The following CC2D2A variants were observed in gnomAD, a reference collection of about 807,000 sequenced individuals.
CC2D2A encodes coiled-coil and C2 domain-containing protein 2A.
CC2D2A carries 155 observed loss-of-function variants against 212.9 expected under a neutral mutation model. The ratio of observed to expected loss-of-function variants is 0.73; its 90% CI spans 0.64 to 0.83. The LOEUF (loss-of-function observed/expected upper bound fraction) is 0.83, where lower values mean the gene tolerates loss of function less well. CC2D2A is among the 40% of genes least tolerant of loss of function. The pLI is 0.00. For missense variants in CC2D2A, 1,856 were observed against 1,956.2 expected, an observed-to-expected ratio of 0.95 and a Z score of 0.97; for synonymous variants, 667 against 686.5, an observed-to-expected ratio of 0.97 and a Z score of 0.44.
At chr4:15,590,177 A>G (rs1333197724) in intron 33 of CC2D2A, among the ~76,000 whole-genome samples, 3 of 152,130 alleles carry the variant, frequency 2.0e-5, no homozygotes, top group South Asian at 2.1e-4. Flanking sequence ...TGAGGGCTGC[A>G]TGATTTTATT....
At chr4:15,542,774 C>A (rs1363565947) in intron 17 of CC2D2A, among the ~76,000 whole-genome samples, 3 of 152,184 alleles carry the variant, frequency 2.0e-5, no homozygotes, top group Non-Finnish European at 4.4e-5. Flanking sequence ...CCAGCGCCTC[C>A]AGGGTCCTGT....
intron 26 of CC2D2A, among the ~76,000 whole-genome samples, chr4:15,568,985 A>G (rs1036792888): frequency 6.6e-6 from 1 of 152,156 alleles, no homozygotes; most frequent in Non-Finnish European, 1.5e-5. Flanking sequence ...CCTGTCCACT[A>G]AGCTAGCTCA....
intron 11 of CC2D2A, among the ~76,000 whole-genome samples, chr4:15,526,193 T>A (rs1717502307): frequency 6.6e-6 from 1 of 152,206 alleles, no homozygotes; most frequent in Admixed American, 6.5e-5. Flanking sequence ...ACAGGCTGTA[T>A]CACACTGTAG....
intron 10 of CC2D2A, among the ~76,000 whole-genome samples, 199 bp from the exon 11 acceptor site, chr4:15,516,426 T>C (rs890688978): frequency 6.6e-6 from 1 of 152,190 alleles, no homozygotes; most frequent in Non-Finnish European, 1.5e-5. Flanking sequence ...AGCCAGGGTG[T>C]ATATTTTAAA....
intron 6 of CC2D2A, among the ~76,000 whole-genome samples, chr4:15,509,607 A>G (rs931044778): frequency 6.6e-6 from 1 of 152,156 alleles, no homozygotes; most frequent in Non-Finnish European, 1.5e-5. Context: ...TTGAGTATAC[A>G]ATTTTACATT....
intron 2 of CC2D2A, 89 bp downstream of exon 2, chr4:15,476,060 C>T: frequency 4.6e-6 from 5 of 1,098,164 alleles, no homozygotes; most frequent in Non-Finnish European, 6.7e-6. Flanking sequence ...GTTAGGCCAA[C>T]CAGCATCTAT....
At chr4:15,484,366 C>T (rs1177050718) in intron 4 of CC2D2A, among the ~76,000 whole-genome samples, 1 of 152,060 alleles carries the variant, frequency 6.6e-6, no homozygotes, top group Admixed American at 6.6e-5. Context: ...GGAATTGTAC[C>T]CAGCCTAGTG....
At chr4:15,535,728 A>C (rs1372150105) in intron 14 of CC2D2A, among the ~76,000 whole-genome samples, 1 of 152,132 alleles carries the variant, frequency 6.6e-6, no homozygotes, top group Admixed American at 6.5e-5. Flanking sequence ...GCCTTGGGGG[A>C]CTGTAAACTG....
chr4:15,528,788 T>C, intron 13 of CC2D2A, 62 bp downstream of exon 13: 1 of 1,193,140 alleles, frequency 8.4e-7, no homozygotes, highest in South Asian at 1.5e-5. Flanking sequence ...TTGTTAGAGT[T>C]TATTTTTCCA....
chr4:15,587,854 T>C lies in CC2D2A; in HGVS notation c.4104T>C (p.His1368=). ...LDLLAGDEEE[H]AVLLCNYFLS... ...TCCTGGCAGGGGATGAAGAAGAACATGCAGTACTATTGTGTAATTACTTTC... is the reference window on the plus strand; with the variant it reads ...TCCTGGCAGGGGATGAAGAAGAACACGCAGTACTATTGTGTAATTACTTTC... The change falls in exon 32 of 37, where the codon CAT becomes CAC. Residue 1368 remains histidine, a synonymous_variant. Coordinates refer to ENST00000424120, the MANE Select transcript of CC2D2A (RefSeq NM_001378615.1). 6.2e-7 allele frequency: 1 copy of C among 1,613,562 alleles called. No homozygotes were observed. Among genetic ancestry groups the C allele is most frequent in the African/African-American group, 1.3e-5 (1 of 75,034 alleles).
intron 11 of CC2D2A, among the ~76,000 whole-genome samples, chr4:15,524,159 A>T (rs1469651339): frequency 1.3e-5 from 2 of 152,218 alleles, no homozygotes; most frequent in Non-Finnish European, 2.9e-5. Flanking sequence ...TTTGAGACAC[A>T]GCCTCGCTCT....
intron 24 of CC2D2A, among the ~76,000 whole-genome samples, chr4:15,565,290 C>T (rs750620631): frequency 3.3e-5 from 5 of 152,194 alleles, no homozygotes; most frequent in Non-Finnish European, 5.9e-5. Flanking sequence ...CATAGTTGAT[C>T]CTACATGCTA....
chr4:15,502,547 A>C, intron 5 of CC2D2A, 30 bp downstream of exon 5: 1 of 1,548,708 alleles, frequency 6.5e-7, no homozygotes, highest in Non-Finnish European at 8.8e-7. Flanking sequence ...TATTCTGTTC[A>C]GTGCTGATTG....
At chr4:15,566,386 G>C (rs1480440255) in intron 24 of CC2D2A, among the ~76,000 whole-genome samples, 2 of 152,144 alleles carry the variant, frequency 1.3e-5, no homozygotes, top group Non-Finnish European at 2.9e-5. Context: ...GATGGAGATG[G>C]GGCAGGCTGG....
intron 24 of CC2D2A, among the ~76,000 whole-genome samples, chr4:15,565,355 C>T (rs1333039021): frequency 1.1e-4 from 17 of 151,714 alleles, no homozygotes; most frequent in Non-Finnish European, 2.9e-5. Flanking sequence ...TCCATTAAGC[C>T]TGCCCAAGTC....
intron 17 of CC2D2A, among the ~76,000 whole-genome samples, chr4:15,544,595 C>G (rs1322031776): frequency 1.3e-5 from 2 of 152,192 alleles, no homozygotes; most frequent in African/African-American, 4.8e-5. Context: ...CATGCCTCCA[C>G]TGATGGGTGA....
chr4:15,543,360 TTAAACA>T (rs1334849938), intron 17 of CC2D2A, among the ~76,000 whole-genome samples: 6 of 152,222 alleles, frequency 3.9e-5, no homozygotes, highest in African/African-American at 1.4e-4. Flanking sequence ...GGCTGCTAAC[TTAAACA>T]TAATATGAGT....
At chr4:15,545,851 A>C (rs1006482235) in intron 17 of CC2D2A, among the ~76,000 whole-genome samples, 4 of 152,166 alleles carry the variant, frequency 2.6e-5, no homozygotes, top group Non-Finnish European at 5.9e-5. Context: ...GCTCACACCT[A>C]TCATCCCAGC....
chr4:15,601,173 C>T lies in CC2D2A; in HGVS notation c.4675-64C>T, dbSNP rs988639973. On this transcript the variant is annotated intron_variant, in intron 36 of 36. Transcript: ENST00000424120. ...CACTTATCTTAATTGCATACATTTA[C>T]GTAGGAAAAAATGTATTAAATCTTC... is the stretch of plus-strand genomic sequence containing the variant. 1.1e-5 allele frequency: 14 copies of T among 1,303,920 alleles called. No homozygotes were observed. In the Admixed American group the frequency reaches 1.4e-4, roughly 13 times the overall value. 80.8% of individuals were successfully genotyped at this position (1,303,920 alleles called of 1,614,324 possible). A position where few individuals can be genotyped will look rare whatever the true frequency, so the allele number is the denominator to read the frequency against.
Sources: allele counts gnomAD v4.1 joint callset (sites outside exome capture counted in the v4.1 genomes callset), GRCh38; gene constraint gnomAD v4.1.1; transcripts MANE v1.5; gene names NCBI Gene and HGNC (gene_info 2026-07-23, HGNC 2026-07-21).